The following GFRA1 variants were observed in gnomAD, a reference collection of about 807,000 sequenced individuals.
GFRA1 encodes the protein GDNF family receptor alpha 1, also known as GDNF family receptor alpha-1.
Under a neutral mutation model 51.6 loss-of-function variants are expected in GFRA1, and 16 were observed. The ratio of observed to expected loss-of-function variants is 0.31; its 90% CI spans 0.21 to 0.47. The LOEUF (loss-of-function observed/expected upper bound fraction) is 0.47, where lower values mean the gene tolerates loss of function less well. Among genes scored for constraint, GFRA1 ranks in the 20% least tolerant of loss-of-function variants. The pLI is 1.00. For missense variants in GFRA1, 530 were observed against 594.3 expected (o/e 0.89, Z 1.13); for synonymous variants, 270 against 241.3 (o/e 1.12, Z -1.10).
intron 6 of GFRA1, among the ~76,000 whole-genome samples, chr10:116,110,510 C>T (rs1242457034): frequency 6.6e-6 from 1 of 152,156 alleles, no homozygotes; most frequent in East Asian, 1.9e-4. Flanking sequence ...ATCTCTTATA[C>T]ACCAGAACAC....
Position 116,105,347 on chromosome 10 carries a change from G to A in GFRA1, c.771-8583C>T, listed in dbSNP as rs75989822. On this transcript the variant is annotated intron_variant, in intron 6 of 10. Transcript: ENST00000355422. ...ATGTTCAATGAATCTTTCACCAGCAGAACCACACCTTAAAACTCTAGACCA... is the reference window on the plus strand; with the variant it reads ...ATGTTCAATGAATCTTTCACCAGCAAAACCACACCTTAAAACTCTAGACCA... 2.4e-4 allele frequency among the ~76,000 whole-genome samples: 37 copies of A among 152,320 alleles called. 1 individual carries two copies. In the East Asian group the frequency reaches 6.4e-3, roughly 26 times the overall value.
intron 5 of GFRA1, among the ~76,000 whole-genome samples, chr10:116,165,665 TCACACA>T (rs56684075): frequency 2.0e-5 from 3 of 149,556 alleles, no homozygotes; most frequent in Admixed American, 6.6e-5. Context: ...TCTCTCACTC[TCACACA>T]CACACACACA....
At chr10:116,231,656 C>A (rs552179987) in intron 4 of GFRA1, among the ~76,000 whole-genome samples, 3 of 152,174 alleles carry the variant, frequency 2.0e-5, no homozygotes, top group Non-Finnish European at 4.4e-5. Context: ...TTCCCAAATT[C>A]TAGACCTTTG....
At chr10:116,095,194 G>A (rs1467822185) in intron 7 of GFRA1, among the ~76,000 whole-genome samples, 1 of 152,208 alleles carries the variant, frequency 6.6e-6, no homozygotes, top group Non-Finnish European at 1.5e-5. Flanking sequence ...AGTGTTAACA[G>A]GGACTACATC....
chr10:116,161,230 A>C (rs1177691121), intron 5 of GFRA1, among the ~76,000 whole-genome samples: 1 of 152,160 alleles, frequency 6.6e-6, no homozygotes. Context: ...CTGAAACTCT[A>C]GACTTTCTCC....
intron 6 of GFRA1, among the ~76,000 whole-genome samples, chr10:116,123,585 A>T (rs963909706): frequency 6.6e-6 from 1 of 152,218 alleles, no homozygotes; most frequent in Admixed American, 6.5e-5. Flanking sequence ...AACATCACAG[A>T]CATTATTTTT....
intron 9 of GFRA1, among the ~76,000 whole-genome samples, chr10:116,076,919 C>T (rs1284917695): frequency 6.6e-6 from 1 of 152,166 alleles, no homozygotes; most frequent in South Asian, 2.1e-4. Context: ...ATCATGCCTT[C>T]TCCCAGATGC....
chr10:116,097,027 T>G (rs1219458674), intron 6 of GFRA1, among the ~76,000 whole-genome samples: 1 of 152,120 alleles, frequency 6.6e-6, no homozygotes, highest in East Asian at 1.9e-4. Context: ...GAGAGAAGTC[T>G]TCAGGGCCTA....
At chr10:116,268,990 CA>C (rs1969880804) in intron 4 of GFRA1, among the ~76,000 whole-genome samples, 1 of 152,152 alleles carries the variant, frequency 6.6e-6, no homozygotes, top group Non-Finnish European at 1.5e-5. Flanking sequence ...AAAATAGAAG[CA>C]AAAGAATTGT....
At position 116,059,548 on chromosome 10, in the gene GFRA1, G is replaced by A. The variant is rs1170501605; in HGVS notation, c.*4850C>T. On this transcript the variant is annotated 3_prime_UTR_variant, in exon 11 of 11. Transcript: ENST00000355422. The stretch of plus-strand genomic sequence containing the variant: ...TCAAATGAGCTTGGAGACCTTAGGG[G>A]GCTGAGACCTCAACGACTATTAGCA... 3 of 152,306 alleles carry A rather than the reference G, an allele frequency of 2.0e-5. No homozygotes were observed. Among genetic ancestry groups the A allele is most frequent in the Non-Finnish European group, 4.4e-5 (3 of 68,108 alleles). The allele number at this position is 152,306 out of a possible 1,614,324, so 9.4% of individuals were successfully genotyped here.
intron 5 of GFRA1, among the ~76,000 whole-genome samples, chr10:116,180,789 C>T (rs1962141817): frequency 6.6e-6 from 1 of 152,116 alleles, no homozygotes; most frequent in Admixed American, 6.5e-5. Context: ...GGGTTTCCAC[C>T]ACCCCTCCAC....
intron 6 of GFRA1, among the ~76,000 whole-genome samples, chr10:116,117,776 G>C (rs1411358991): frequency 6.6e-6 from 1 of 152,142 alleles, no homozygotes; most frequent in Admixed American, 6.5e-5. Context: ...GAAGGAGAGA[G>C]AAATGGGCGG....
intron 5 of GFRA1, among the ~76,000 whole-genome samples, chr10:116,127,101 G>GAA (rs56387404): frequency 0.017 from 2,529 of 149,346 alleles, 35 homozygotes; most frequent in Non-Finnish European, 0.025. Context: ...AGAAGAAAAT[G>GAA]AAAAAAAAAA....
rs565383446 is a variant in GFRA1 at position 116,240,982 on chromosome 10, A to G, written c.418+28521T>C. 6.6e-5 allele frequency among the ~76,000 whole-genome samples: 10 copies of G among 152,320 alleles called. No individual in the cohort carries two copies. In the South Asian group the frequency reaches 1.9e-3, roughly 28 times the overall value. The stretch of plus-strand genomic sequence containing the variant: ...TACCCAGCTAAGACTTGCAGAGTTG[A>G]CATCTGAAACCAAATCATCTGCTCC... On this transcript the variant is annotated intron_variant, in intron 4 of 10. Transcript: ENST00000355422.
intron 5 of GFRA1, among the ~76,000 whole-genome samples, chr10:116,198,191 C>T (rs975452822): frequency 1.3e-5 from 2 of 152,012 alleles, no homozygotes; most frequent in East Asian, 1.9e-4. Context: ...CTCCCCAACG[C>T]CCCCACACGA....
At chr10:116,072,101 C>CAGAT in intron 9 of GFRA1, among the ~76,000 whole-genome samples, 1 of 151,118 alleles carries the variant, frequency 6.6e-6, no homozygotes, top group Admixed American at 6.6e-5. Flanking sequence ...TTTGCCTTTT[C>CAGAT]AGATATATTC....
chr10:116,160,836 C>T (rs894608485), intron 5 of GFRA1, among the ~76,000 whole-genome samples: 2 of 152,216 alleles, frequency 1.3e-5, no homozygotes, highest in Non-Finnish European at 2.9e-5. Flanking sequence ...CTATGCAAGC[C>T]AGTGTGGGTT....
chr10:116,170,047 T>G (rs1266029194), intron 5 of GFRA1, among the ~76,000 whole-genome samples: 1 of 152,108 alleles, frequency 6.6e-6, no homozygotes, highest in Non-Finnish European at 1.5e-5. Context: ...CATAAGGGGT[T>G]TGAGCACGTG....
chr10:116,137,897 G>T (rs981637588), intron 5 of GFRA1, among the ~76,000 whole-genome samples: 10 of 152,140 alleles, frequency 6.6e-5, no homozygotes, highest in African/African-American at 9.7e-5. Context: ...CACTTCCAGG[G>T]TTCAAGCAAT....
Sources: allele counts gnomAD v4.1 joint callset (sites outside exome capture counted in the v4.1 genomes callset), GRCh38; gene constraint gnomAD v4.1.1; transcripts MANE v1.5; gene names NCBI Gene and HGNC (gene_info 2026-07-23, HGNC 2026-07-21).